The following PDIA2 variants were observed in gnomAD, a reference collection of about 807,000 sequenced individuals.
The protein encoded by PDIA2 is protein disulfide isomerase family A member 2.
In PDIA2, 76 loss-of-function variants were observed where a neutral mutation model predicts 51.1. The ratio of observed to expected loss-of-function variants is 1.49; its 90% confidence interval spans 1.24 to 1.80. PDIA2 has a LOEUF of 1.80. PDIA2 is among the 40% of genes most tolerant of loss of function. The pLI, the probability that PDIA2 is intolerant of heterozygous loss-of-function variation, is 0.00. For missense variants in PDIA2, 946 were observed against 706.5 expected, an observed-to-expected ratio of 1.34 and a Z score of -3.84; for synonymous variants, 429 against 309.9, an observed-to-expected ratio of 1.38 and a Z score of -4.04.
In PDIA2 at chr16:286,413, G is replaced by A. The variant is rs200448607; in HGVS notation, c.1180G>A (p.Val394Met). 195 of 1,612,278 alleles carry A rather than the reference G, an allele frequency of 1.2e-4. 1 individual carries two copies. Among genetic ancestry groups the A allele is most frequent in the South Asian group, 9.0e-4 (82 of 91,028 alleles). ...DWDQRPVKTL[V>M]GKNFEQVAFD... is the part of the protein sequence containing the mutation. ...GGATCAGCGGCCAGTTAAGACCCTC[G>A]TGGGCAAGAATTTTGAGCAGGTGGC... Residue 394 changes from valine to methionine, a missense_variant, in exon 8 of 11, where the codon GTG becomes ATG. Transcript: ENST00000219406.
Position 285,540 on chromosome 16 carries a change from A to G in PDIA2, c.956A>G (p.Asn319Ser), listed in dbSNP as rs1410776705. The G allele has an allele frequency of 6.2e-7, 1 of 1,612,998 alleles. No individual in the cohort carries two copies. The change falls in exon 7 of 11, where the codon AAT becomes AGT. Residue 319 changes from asparagine (N) to serine (S), a missense_variant. Coordinates refer to ENST00000219406, the MANE Select transcript of PDIA2 (RefSeq NM_006849.4). ...LFVVVDVAAD[N>S]EHVLQYFGLK... ...GTGGTGGTGGACGTGGCGGCCGACA[A>G]TGAGCACGTGCTGCAGTACTTTGGA...
Position 284,453 on chromosome 16 carries a change from C to A in PDIA2, c.266C>A (p.Ala89Glu). 1.3e-6 allele frequency: 2 copies of A among 1,598,912 alleles called. No homozygotes were observed. The highest frequency in any genetic ancestry group is 1.7e-6 in the Non-Finnish European group (2 of 1,174,234). The part of the protein sequence containing the change: ...PEYSKAAAVL[A>E]AESMVVTLAK... The stretch of plus-strand genomic sequence containing the variant: ...TACAGCAAGGCAGCTGCCGTGCTCG[C>A]GGCCGAGTCAATGGTGGTCACGCTG... The change falls in exon 2 of 11, where the codon GCG (alanine) becomes GAG (glutamate). Residue 89 changes from alanine to glutamate, a missense_variant. Physicochemically the swap from Ala to Glu is moderately radical, Grantham distance 107 (BLOSUM62 -1). Coordinates refer to ENST00000219406, the MANE Select transcript of PDIA2 (RefSeq NM_006849.4).
rs1168383612 is a variant in PDIA2, at chr16:286,638, T to C, written c.1325T>C (p.Ile442Thr). 10 of 1,612,436 alleles carry C rather than the reference T, an allele frequency of 6.2e-6. No homozygotes were observed. The highest frequency in any genetic ancestry group is 5.9e-6 in the Non-Finnish European group (7 of 1,179,930). Reference protein sequence around the residue: ...AEKYQDHEDIIIAELDATANE... With the variant: ...AEKYQDHEDITIAELDATANE... ...AAGTACCAAGACCACGAGGACATCA[T>C]CATTGCTGAGCTGGATGCCACGGCC... The change falls in exon 9 of 11, where the codon ATC becomes ACC. Residue 442 changes from isoleucine to threonine, a missense_variant. Ile to Thr is a moderately conservative substitution (Grantham distance 89). Coordinates refer to ENST00000219406, the MANE Select transcript of PDIA2 (RefSeq NM_006849.4).
At chr16:287,215 ACT>A, downstream of PDIA2, 10 of 1,468,528 alleles carry the variant, frequency 6.8e-6, no homozygotes, top group Admixed American at 1.8e-5. Context: ...TTGGTTCTGG[ACT>A]CTGTGTGCCT....
chr16:284,621 G>T, intron 2 of PDIA2, 28 bp downstream of exon 2: 2 of 1,606,750 alleles, frequency 1.2e-6, no homozygotes, highest in Non-Finnish European at 8.5e-7. Flanking sequence ...CATTGGGGGG[G>T]CGGTGGCCAG....
In PDIA2 at chr16:285,728, G is replaced by A. The variant is rs1450541051; in HGVS notation, c.1119+25G>A. On this transcript the variant is annotated intron_variant, in intron 7 of 10. Transcript: ENST00000219406. ...GGTCCGCTGCAGACTGCTCATAATGGAAGGGGAACCCTGACCTCATCCCAC... is the reference window on the plus strand; with the variant it reads ...GGTCCGCTGCAGACTGCTCATAATGAAAGGGGAACCCTGACCTCATCCCAC... 3 of 1,605,964 alleles carry A rather than the reference G, an allele frequency of 1.9e-6. No homozygotes were observed. In the African/African-American group the frequency reaches 4.0e-5, roughly 22 times the overall value.
Position 285,347 on chromosome 16 carries a change from C to G in PDIA2, c.831C>G (p.Asn277Lys). Residue 277 changes from asparagine to lysine, a missense_variant, in exon 6 of 11, where the codon AAC (asparagine) becomes AAG (lysine). Transcript: ENST00000219406. ...AGATCTTCGCGGCCAGGATCCTCAA[C>G]CACCTGCTGCTGTTTGTCAACCAGA... ...SAKIFAARIL[N>K]HLLLFVNQTL... The G allele has an allele frequency of 6.2e-7, 1 of 1,612,990 alleles. No homozygotes were observed. The highest frequency in any genetic ancestry group is 8.5e-7 in the Non-Finnish European group (1 of 1,179,930).
Position 287,211 on chromosome 16 carries a change from C to T in PDIA2, c.*98C>T. 1 of 1,498,288 alleles carries T rather than the reference C, an allele frequency of 6.7e-7. No homozygotes were observed. The highest frequency in any genetic ancestry group is 9.2e-7 in the Non-Finnish European group (1 of 1,085,598). The allele number at this position is 1,498,288 out of a possible 1,614,324, so 92.8% of individuals were successfully genotyped here. A position where few individuals can be genotyped will look rare whatever the true frequency, so the allele number is the denominator to read the frequency against. Reference sequence around the variant, plus strand: ...TTGTGAATAAAGAGTGAGCTTGGTTCTGGACTCTGTGTGCCTGGTCCCTCA... The same window carrying T: ...TTGTGAATAAAGAGTGAGCTTGGTTTTGGACTCTGTGTGCCTGGTCCCTCA... On this transcript the variant is annotated 3_prime_UTR_variant, in exon 11 of 11. Coordinates refer to ENST00000219406, the MANE Select transcript of PDIA2 (RefSeq NM_006849.4).
chr16:285,466 C>A, intron 6 of PDIA2, 29 bp downstream of exon 6: 1 of 1,611,256 alleles, frequency 6.2e-7, no homozygotes, highest in Non-Finnish European at 8.5e-7. Flanking sequence ...AAAGGGGCAG[C>A]GGGAGAGTGG....
At position 285,085 on chromosome 16, in the gene PDIA2, T is replaced by C. The variant is rs1425090822; in HGVS notation, c.680T>C (p.Phe227Ser). Residue 227 changes from phenylalanine (F) to serine (S), a missense_variant and splice_region_variant, in exon 5 of 11, where the codon TTT becomes TCT. By Grantham distance (155) the Phe-to-Ser change is radical. Coordinates refer to ENST00000219406, the MANE Select transcript of PDIA2 (RefSeq NM_006849.4). ...GCTAACCCACCTGCTGCTGTCCAGT[T>C]TGATGAGGGGCGGGCAGACTTCCCC... ...TKDTVVLFKKFDEGRADFPVD... is the reference protein window; with the variant it reads ...TKDTVVLFKKSDEGRADFPVD... 1 of 1,612,776 alleles carries C rather than the reference T, an allele frequency of 6.2e-7. No homozygotes were observed. The highest frequency in any genetic ancestry group is 1.3e-5 in the African/African-American group (1 of 74,854).
chr16:285,156 C>T lies in PDIA2; in HGVS notation c.751C>T (p.Leu251=), dbSNP rs1314162611. Reference sequence around the variant, plus strand: ...GGACCTGGGGGATCTGTCGCGCTTCCTGGTCACACACAGCATGCGCCTGGT... The same window carrying T: ...GGACCTGGGGGATCTGTCGCGCTTCTTGGTCACACACAGCATGCGCCTGGT... ...GLDLGDLSRF[L]VTHSMRLVTE... is the part of the protein sequence containing the mutation. Residue 251 remains leucine (L), a synonymous_variant, in exon 5 of 11, where the codon CTG becomes TTG. Coordinates refer to ENST00000219406, the MANE Select transcript of PDIA2 (RefSeq NM_006849.4). 4 of 1,612,998 alleles carry T rather than the reference C, an allele frequency of 2.5e-6. No homozygotes were observed. The highest frequency in any genetic ancestry group is 2.2e-5 in the East Asian group (1 of 44,900).
Position 284,486 on chromosome 16 carries a change from T to TCCAA in PDIA2, c.299_300insCCAA (p.Asp101GlnfsTer11), listed in dbSNP as rs2052326603. The TCCAA allele has an allele frequency of 1.9e-6, 3 of 1,608,362 alleles. No individual in the cohort carries two copies. Among genetic ancestry groups the TCCAA allele is most frequent in the Admixed American group, 3.4e-5 (2 of 59,264 alleles). On this transcript the variant is annotated frameshift_variant, in exon 2 of 11. Transcript: ENST00000219406. LOFTEE classifies it high-confidence loss of function. The stretch of plus-strand genomic sequence containing the variant: ...TCAATGGTGGTCACGCTGGCCAAGG[T>TCCAA]GGATGGGCCCGCGCAGCGCGAGCTG...
chr16:283,498 C>T (rs552155391), intron 1 of PDIA2, 130 bp downstream of exon 1: 1 of 1,019,800 alleles, frequency 9.8e-7, no homozygotes, highest in Non-Finnish European at 1.4e-6. Context: ...CTTGCCCCCA[C>T]TGTGCCCAGG....
chr16:284,161 C>T (rs1165890413), intron 1 of PDIA2: 2 of 596,316 alleles, frequency 3.4e-6, no homozygotes, highest in East Asian at 5.7e-5. Flanking sequence ...AGCCACTGAG[C>T]CTGGCTGTGG....
chr16:286,299 C>T, intron 7 of PDIA2, 54 bp from the exon 8 acceptor site: 5 of 1,519,396 alleles, frequency 3.3e-6, no homozygotes, highest in Non-Finnish European at 4.4e-6. Context: ...TGCACAGGAC[C>T]TCCTGAACCC....
At chr16:286,192 C>T (rs1427874573) in intron 7 of PDIA2, among the ~76,000 whole-genome samples, 161 bp from the exon 8 acceptor site, 1 of 23,680 alleles carries the variant, frequency 4.2e-5, no homozygotes. Context: ...CACCTGCCCC[C>T]GGCCCCGCAC....
rs761339816 is a variant in PDIA2, at chr16:284,725, TGGA to T, written c.477_479del (p.Glu159del). 3.8e-5 allele frequency: 60 copies of T among 1,569,962 alleles called. No individual in the cohort carries two copies. Among genetic ancestry groups the T allele is most frequent in the Admixed American group, 5.3e-5 (3 of 56,600 alleles). On this transcript the variant is annotated inframe_deletion, in exon 3 of 11. Transcript: ENST00000219406. ...CGGGTGGGGCCCAGTGCCATGCGGC[TGGA>T]GGACGAGGCGGCCGCCCAGGCGCTG...
rs376244095 is a variant in PDIA2, at chr16:285,972, CCCCGCGGTTCT to C, written c.1119+273_1119+283del. On this transcript the variant is annotated intron_variant, in intron 7 of 10. Transcript: ENST00000219406. ...AACCCCAACCCCGCGGTTCTCCCAA[CCCCGCGGTTCT>C]CCCAACCCCGCGGTTCTCCCAACCC... is the stretch of plus-strand genomic sequence containing the variant. Among the ~76,000 whole-genome samples, 107 of 84,296 alleles carry C rather than the reference CCCCGCGGTTCT, an allele frequency of 1.3e-3. 2 individuals are homozygous for C. Among genetic ancestry groups the C allele is most frequent in the African/African-American group, 1.8e-3 (31 of 17,470 alleles). The allele number at this position is 84,296 out of a possible 152,430, so 55.3% of individuals were successfully genotyped here. A position where few individuals can be genotyped will look rare whatever the true frequency, so the allele number is the denominator to read the frequency against.
Position 284,693 on chromosome 16 carries a change from G to A in PDIA2, c.441G>A (p.Leu147=), listed in dbSNP as rs1188987349. 2.5e-6 allele frequency: 4 copies of A among 1,584,494 alleles called. No individual in the cohort carries two copies. The highest frequency in any genetic ancestry group is 1.7e-4 in the Middle Eastern group (1 of 6,006). The change falls in exon 3 of 11, where the codon CTG becomes CTA. Residue 147 remains leucine (L), a synonymous_variant. Transcript: ENST00000219406. ...PRDAEGIAEW[L]RRRVGPSAMR... ...ACGCTGAGGGCATTGCCGAGTGGCT[G>A]CGACGGCGGGTGGGGCCCAGTGCCA...
Sources: allele counts gnomAD v4.1 joint callset (sites outside exome capture counted in the v4.1 genomes callset), GRCh38; gene constraint gnomAD v4.1.1; transcripts MANE v1.5; gene names NCBI Gene and HGNC (gene_info 2026-07-23, HGNC 2026-07-21).